GPR35: variants seen among roughly 807,000 people sequenced by gnomAD.
GPR35 encodes the protein G protein-coupled receptor 35.
For missense variants in GPR35, 372 were observed against 422.5 expected (o/e 0.88, Z 1.05); for synonymous variants, 207 against 198.4 (o/e 1.04, Z -0.36).
chr2:240,623,056 CCG>C (rs35595999), upstream of GPR35, among the ~76,000 whole-genome samples: 64,550 of 151,924 alleles, frequency 0.42, 15,299 homozygotes, highest in African/African-American at 0.65. Context: ...CCCCAGGCGA[CCG>C]TGCCTGAGCC....
Position 240,632,243 on chromosome 2 carries a change from G to A in GPR35, c.*1361G>A. 6.6e-6 allele frequency among the ~76,000 whole-genome samples: 1 copy of A among 151,748 alleles called. No homozygotes were observed. Among genetic ancestry groups the A allele is most frequent in the Non-Finnish European group, 1.5e-5 (1 of 67,918 alleles). On this transcript the variant is annotated 3_prime_UTR_variant, in exon 2 of 2. Transcript: ENST00000407714. ...CATGCCTGGAAGGGTCCATGCTCAG[G>A]AGGGTTCATGCCCAGGAGAGTTTAT...
At chr2:240,617,455 C>A (rs2043250703) in intron 4 of GPR35, 1 of 553,544 alleles carries the variant, frequency 1.8e-6, no homozygotes, top group Non-Finnish European at 3.3e-6. Flanking sequence ...AGATAATTAA[C>A]CCTAATGCTA....
chr2:240,606,749 G>C (rs917243826), intron 2 of GPR35: 2 of 152,324 alleles, frequency 1.3e-5, no homozygotes, highest in African/African-American at 2.4e-5. Flanking sequence ...GAAGCTCTCT[G>C]TGCCTGCAGT....
chr2:240,606,018 T>C (rs1156617926), intron 1 of GPR35, among the ~76,000 whole-genome samples: 1 of 152,138 alleles, frequency 6.6e-6, no homozygotes, highest in Non-Finnish European at 1.5e-5. Flanking sequence ...GCTCAGACCA[T>C]GGCTGCAGGG....
chr2:240,622,835 A>G (rs944115602), upstream of GPR35, among the ~76,000 whole-genome samples: 1 of 152,192 alleles, frequency 6.6e-6, no homozygotes, highest in Non-Finnish European at 1.5e-5. Flanking sequence ...GAAGCTGCCC[A>G]GGAGCAGAGG....
chr2:240,621,607 G>A (rs532157658), upstream of GPR35, among the ~76,000 whole-genome samples: 5 of 152,306 alleles, frequency 3.3e-5, no homozygotes, highest in East Asian at 1.9e-4. Flanking sequence ...GGATCCAAGC[G>A]ACTCATTTAG....
chr2:240,606,066 C>T (rs1244915969), intron 1 of GPR35, among the ~76,000 whole-genome samples: 2 of 152,140 alleles, frequency 1.3e-5, no homozygotes, highest in Non-Finnish European at 2.9e-5. Context: ...GTTAGTGCTG[C>T]CCCCCAAACC....
chr2:240,614,177 CCCTAAT>C (rs944134070), intron 2 of GPR35, among the ~76,000 whole-genome samples: 1 of 152,116 alleles, frequency 6.6e-6, no homozygotes, highest in African/African-American at 2.4e-5. Flanking sequence ...CCAACCCAAA[CCCTAAT>C]CCTAAGTCTC....
chr2:240,608,131 ATCT>A (rs1229117100), intron 2 of GPR35, among the ~76,000 whole-genome samples: 6 of 152,116 alleles, frequency 3.9e-5, no homozygotes, highest in African/African-American at 1.4e-4. Context: ...TCTTCAAGCG[ATCT>A]TCTCACTTCA....
chr2:240,618,835 T>C, intron 4 of GPR35: 1 of 551,554 alleles, frequency 1.8e-6, no homozygotes, highest in Non-Finnish European at 3.2e-6. Flanking sequence ...AAATACATTC[T>C]GGAGATGACC....
At chr2:240,627,772 C>T (rs1291595500) in intron 1 of GPR35, 1 of 151,658 alleles carries the variant, frequency 6.6e-6, no homozygotes, top group African/African-American at 2.4e-5. Flanking sequence ...ACCGTGCCTG[C>T]CTGCAGTTAA....
rs533776095 is a variant in GPR35 at position 240,619,023 on chromosome 2, C to G, written c.-13C>G. On this transcript the variant is annotated 5_prime_UTR_variant, in exon 5 of 6. Coordinates refer to the GPR35 transcript ENST00000319838. ...TGAAGTACATGCTTCATAGTCCTTGCGTCTCTCTGTGAGTACATTCCTAGA... is the reference window on the plus strand; with the variant it reads ...TGAAGTACATGCTTCATAGTCCTTGGGTCTCTCTGTGAGTACATTCCTAGA... 7.1e-5 allele frequency: 50 copies of G among 702,458 alleles called. No homozygotes were observed. In the Admixed American group the frequency reaches 1.0e-3, roughly 14 times the overall value. The allele number at this position is 702,458 out of a possible 1,614,324, so 43.5% of individuals were successfully genotyped here.
chr2:240,624,652 G>T (rs2043348289), upstream of GPR35, among the ~76,000 whole-genome samples: 1 of 152,188 alleles, frequency 6.6e-6, no homozygotes, highest in South Asian at 2.1e-4. Context: ...TGAGGAGGGA[G>T]AGGCTGTGGT....
chr2:240,616,720 C>A lies in GPR35; in HGVS notation c.-453+209C>A, dbSNP rs928138769. ...CTCCTGAAGGGTGGCTGGACTTACT[C>A]ACTTATAACAAACAATACAGTAAAA... is the stretch of plus-strand genomic sequence containing the variant. On this transcript the variant is annotated intron_variant, in intron 3 of 5. Coordinates refer to the GPR35 transcript ENST00000319838. 6.0e-5 allele frequency among the ~76,000 whole-genome samples: 8 copies of A among 134,174 alleles called. 1 individual carries two copies. The South Asian group carries it at 1.9e-3, about 32-fold the overall frequency. 88.0% of individuals were successfully genotyped at this position (134,174 alleles called of 152,430 possible). A position where few individuals can be genotyped will look rare whatever the true frequency, so the allele number is the denominator to read the frequency against.
upstream of GPR35, among the ~76,000 whole-genome samples, chr2:240,623,063 T>TGAGCCGGGCGCCG (rs2043315830): frequency 6.6e-6 from 1 of 152,108 alleles, no homozygotes; most frequent in Non-Finnish European, 1.5e-5. Flanking sequence ...CGACCGTGCC[T>TGAGCCGGGCGCCG]GAGCCGGGCG....
At chr2:240,618,700 G>C (rs2043262341) in intron 4 of GPR35, among the ~76,000 whole-genome samples, 1 of 152,140 alleles carries the variant, frequency 6.6e-6, no homozygotes, top group Non-Finnish European at 1.5e-5. Context: ...TTTCCTACAG[G>C]TAACAGTTTA....
At position 240,630,705 on chromosome 2, in the gene GPR35, G is replaced by A; in HGVS notation, c.753G>A (p.Leu251=). ...LAVGWNACAL[L]ETIRRALYIT... ...TGGGCTGGAACGCCTGTGCCCTCCTGGAGACGATCCGTCGCGCCCTGTACA... is the reference window on the plus strand; with the variant it reads ...TGGGCTGGAACGCCTGTGCCCTCCTAGAGACGATCCGTCGCGCCCTGTACA... Residue 251 remains leucine (L), a synonymous_variant, in exon 2 of 2, where the codon CTG becomes CTA. Transcript: ENST00000407714. The A allele has an allele frequency of 6.2e-7, 1 of 1,613,532 alleles. No homozygotes were observed. Among genetic ancestry groups the A allele is most frequent in the Non-Finnish European group, 8.5e-7 (1 of 1,180,042 alleles).
At chr2:240,614,952 TTATG>T (rs927257933) in intron 2 of GPR35, among the ~76,000 whole-genome samples, 1 of 152,010 alleles carries the variant, frequency 6.6e-6, no homozygotes, top group African/African-American at 2.4e-5. Flanking sequence ...GTATGCATGT[TTATG>T]TGTGTATTTG....
upstream of GPR35, among the ~76,000 whole-genome samples, chr2:240,623,195 C>T (rs2043318923): frequency 6.6e-6 from 1 of 152,218 alleles, no homozygotes; most frequent in Non-Finnish European, 1.5e-5. Context: ...CCCGACAGGG[C>T]AGGAAGCAGA....
Sources: gnomAD v4.1 joint callset for allele counts (sites outside exome capture counted in the v4.1 genomes callset) on GRCh38, gnomAD v4.1.1 for gene constraint, MANE v1.5 for transcripts, NCBI Gene and HGNC (gene_info 2026-07-23, HGNC 2026-07-21) for gene names.